The following PMS2 variants were observed in gnomAD, a reference collection of about 807,000 sequenced individuals.
PMS2 encodes the protein PMS1 homolog 2, mismatch repair system component.
Under a neutral mutation model 90.0 loss-of-function variants are expected in PMS2, and 69 were observed. The observed-to-expected ratio is 0.77, with a 90% CI of 0.63 to 0.94. PMS2 has a LOEUF of 0.94. Among genes scored for constraint, PMS2 ranks in the 40% least tolerant of loss-of-function variants. PMS2 has a pLI of 0.00. For synonymous variants in PMS2, 332 were observed against 375.1 expected, an observed-to-expected ratio of 0.89 and a Z score of 1.33; for missense variants, 966 against 1,040.2, an observed-to-expected ratio of 0.93 and a Z score of 0.98.
intron 9 of PMS2, among the ~76,000 whole-genome samples, chr7:5,991,433 G>A (rs982997916): frequency 1.3e-5 from 2 of 151,312 alleles, no homozygotes; most frequent in South Asian, 2.1e-4. Flanking sequence ...ATGAAATTAG[G>A]AAGAACATTT....
intron 11 of PMS2, among the ~76,000 whole-genome samples, 172 bp downstream of exon 11, chr7:5,986,587 G>A (rs1229512728): frequency 6.8e-6 from 1 of 146,896 alleles, no homozygotes; most frequent in East Asian, 2.0e-4. Context: ...AGCTACTCAG[G>A]AGGCTGAGGC....
Position 5,997,426 on chromosome 7 carries a change from G to GAA in PMS2, c.706-5_706-4dup, listed in dbSNP as rs60794673. 2.9e-3 allele frequency: 3,141 copies of GAA among 1,100,660 alleles called. No individual in the cohort carries two copies. The highest frequency in any genetic ancestry group is 3.5e-3 in the Non-Finnish European group (2,616 of 757,522). The allele number at this position is 1,100,660 out of a possible 1,614,324, so 68.2% of individuals were successfully genotyped here. On this transcript the variant is annotated splice_region_variant and splice_polypyrimidine_tract_variant and intron_variant, in intron 6 of 14. Coordinates refer to ENST00000265849, the MANE Select transcript of PMS2 (RefSeq NM_000535.7). ...ACAAAAGGAATGAGGCTTTGCAACT[G>GAA]AAAAAAAAAAAAAAAAATTCACAGT...
intron 7 of PMS2, among the ~76,000 whole-genome samples, chr7:5,996,742 T>C (rs1319636772): frequency 6.6e-6 from 1 of 151,830 alleles, no homozygotes; most frequent in African/African-American, 2.4e-5. Context: ...TTTAAAATGA[T>C]AAAATAATTT....
chr7:5,999,068 T>C, intron 6 of PMS2, 40 bp downstream of exon 6: 5 of 1,577,296 alleles, frequency 3.2e-6, no homozygotes, highest in Non-Finnish European at 4.4e-6. Flanking sequence ...CTATAATCAC[T>C]AGAGCAATAA....
intron 10 of PMS2, among the ~76,000 whole-genome samples, chr7:5,989,594 G>A (rs1284941699): frequency 6.6e-6 from 1 of 152,096 alleles, no homozygotes; most frequent in African/African-American, 2.4e-5. Context: ...CTGAGCCCAG[G>A]AGTGTGATGC....
intron 10 of PMS2, among the ~76,000 whole-genome samples, chr7:5,988,325 T>G (rs991000857): frequency 8.6e-5 from 13 of 151,968 alleles, no homozygotes; most frequent in African/African-American, 3.1e-4. Flanking sequence ...ACGCCTGTAA[T>G]CCTAGCCCTT....
chr7:5,987,881 C>T (rs999670992), intron 10 of PMS2, among the ~76,000 whole-genome samples: 2 of 151,770 alleles, frequency 1.3e-5, no homozygotes, highest in African/African-American at 2.4e-5. Context: ...ATGGTAAAAC[C>T]CTGTTTCTAC....
In PMS2 at chr7:5,987,120, C is replaced by T. The variant is rs1199136734; in HGVS notation, c.1645G>A (p.Val549Met). 1 of 1,614,050 alleles carries T rather than the reference C, an allele frequency of 6.2e-7. No homozygotes were observed. The highest frequency in any genetic ancestry group is 8.5e-7 in the Non-Finnish European group (1 of 1,179,984). ...TCTTCCTGGTTTGAATGGCAGTCCACATCTGAAAAAGAGTCGTCAGTTTTA... is the reference window on the plus strand; with the variant it reads ...TCTTCCTGGTTTGAATGGCAGTCCATATCTGAAAAAGAGTCGTCAGTTTTA... ...APKTDDSFSD[V>M]DCHSNQEDTG... Residue 549 changes from valine to methionine, a missense_variant, in exon 11 of 15, where the codon GTG (valine) becomes ATG (methionine). By Grantham distance (21) the Val-to-Met change is conservative. Around this residue, in one of 2 missense-constraint regions of PMS2, gnomAD observed 871 missense variants for 802.4 expected, o/e 1.09. Coordinates refer to ENST00000265849, the MANE Select transcript of PMS2 (RefSeq NM_000535.7).
chr7:5,977,897 A>C, intron 13 of PMS2, 140 bp from the exon 14 acceptor site: 1 of 1,334,906 alleles, frequency 7.5e-7, no homozygotes, highest in Non-Finnish European at 1.1e-6. Flanking sequence ...AGGCCAGCGG[A>C]TCATGAGGTC....
rs2128816325 is a variant in PMS2, at chr7:6,002,491, G to A, written c.499C>T (p.Pro167Ser). The A allele has an allele frequency of 6.2e-7, 1 of 1,611,458 alleles. No homozygotes were observed. The highest frequency in any genetic ancestry group is 1.7e-5 in the Admixed American group (1 of 60,004). ...CTTTGAAATTCCTTATGGCGCACAG[G>A]TAGTGTGGAAAATAACTGCTGCACG... ...VSVQQLFSTL[P>S]VRHKEFQRNI... The change falls in exon 5 of 15, where the codon CCT (proline) becomes TCT (serine). Residue 167 changes from proline to serine, a missense_variant. This residue lies in a region of PMS2 where 871 missense variants were observed against 802.4 expected (regional missense o/e 1.09). Coordinates refer to ENST00000265849, the MANE Select transcript of PMS2 (RefSeq NM_000535.7).
chr7:5,988,092 C>T (rs1783262102), intron 10 of PMS2, among the ~76,000 whole-genome samples: 1 of 143,964 alleles, frequency 6.9e-6, no homozygotes, highest in African/African-American at 2.6e-5. Flanking sequence ...CAACACAATG[C>T]AATATGGCCA....
intron 7 of PMS2, 111 bp downstream of exon 7, chr7:5,997,215 A>G: frequency 2.9e-6 from 2 of 691,072 alleles, no homozygotes; most frequent in South Asian, 1.7e-5. Context: ...CTCCGTCTCA[A>G]GAAAAAAAAA....
chr7:5,992,766 A>G (rs554220165), intron 8 of PMS2, among the ~76,000 whole-genome samples: 1 of 152,372 alleles, frequency 6.6e-6, no homozygotes, highest in South Asian at 2.1e-4. Context: ...GAATATATCC[A>G]TCACCAAAAG....
intron 5 of PMS2, among the ~76,000 whole-genome samples, chr7:6,000,617 AT>A (rs908161402): frequency 5.9e-5 from 9 of 152,208 alleles, no homozygotes; most frequent in Non-Finnish European, 1.2e-4. Flanking sequence ...TAAGGCACTA[AT>A]TTTTTTACCA....
intron 10 of PMS2, among the ~76,000 whole-genome samples, chr7:5,989,092 C>T (rs903309175): frequency 6.6e-6 from 1 of 152,092 alleles, no homozygotes; most frequent in Non-Finnish European, 1.5e-5. Context: ...CCTCGTGAGC[C>T]GCCCGCCTTG....
intron 6 of PMS2, among the ~76,000 whole-genome samples, chr7:5,998,067 T>G (rs1331266882): frequency 6.6e-6 from 1 of 150,954 alleles, no homozygotes; most frequent in East Asian, 2.0e-4. Context: ...ATTTTTGTGA[T>G]AGGTACTTTG....
At chr7:6,007,594 T>C (rs563913824) in intron 1 of PMS2, among the ~76,000 whole-genome samples, 5 of 152,198 alleles carry the variant, frequency 3.3e-5, no homozygotes, top group Non-Finnish European at 7.3e-5. Flanking sequence ...ACAGTTTAAT[T>C]GATAACTTGT....
In PMS2 at chr7:6,003,776, T is replaced by C. The variant is rs876659181; in HGVS notation, c.267A>G (p.Thr89=). The C allele has an allele frequency of 1.9e-6, 3 of 1,604,750 alleles. No individual in the cohort carries two copies. Among genetic ancestry groups the C allele is most frequent in the Non-Finnish European group, 2.5e-6 (3 of 1,177,088 alleles). The part of the protein sequence containing the change: ...NFEGLTLKHH[T]SKIQEFADLT... Reference sequence around the variant, plus strand: ...GGTCGGCAAACTCTTGAATCTTAGATGTGTGATGTTTCAGAGCTGAAAGAG... The same window carrying C: ...GGTCGGCAAACTCTTGAATCTTAGACGTGTGATGTTTCAGAGCTGAAAGAG... Residue 89 remains threonine, a synonymous_variant, in exon 4 of 15, where the codon ACA becomes ACG. Coordinates refer to ENST00000265849, the MANE Select transcript of PMS2 (RefSeq NM_000535.7).
rs183460345 is a variant in PMS2 at position 5,993,072 on chromosome 7, C to T, written c.904-1015G>A. 2.0e-5 allele frequency among the ~76,000 whole-genome samples: 3 copies of T among 152,156 alleles called. No individual in the cohort carries two copies. The East Asian group carries it at 5.8e-4, about 29-fold the overall frequency. Reference sequence around the variant, plus strand: ...GGCAGATTACAAGCAAACTCTAAAGCATCATTGAAAAACAGGGGCTGGGAG... The same window carrying T: ...GGCAGATTACAAGCAAACTCTAAAGTATCATTGAAAAACAGGGGCTGGGAG... On this transcript the variant is annotated intron_variant, in intron 8 of 14. Coordinates refer to ENST00000265849, the MANE Select transcript of PMS2 (RefSeq NM_000535.7).
Sources: allele counts gnomAD v4.1 joint callset (sites outside exome capture counted in the v4.1 genomes callset), GRCh38; gene constraint gnomAD v4.1.1; regional missense constraint gnomAD v4.1.1; transcripts MANE v1.5; gene names NCBI Gene and HGNC (gene_info 2026-07-23, HGNC 2026-07-21).